Variants in UNC13C observed in about 807,000 individuals in gnomAD.
UNC13C encodes unc-13 homolog C, also known as protein unc-13 homolog C.
A neutral mutation model predicts 245.4 loss-of-function variants in UNC13C; 174 were observed. The observed-to-expected ratio is 0.71, with a 90% CI of 0.63 to 0.80. The LOEUF (loss-of-function observed/expected upper bound fraction) is 0.80. UNC13C is among the 30% of genes least tolerant of loss of function. The pLI is 0.00. For missense variants in UNC13C, 2,829 were observed against 2,602.9 expected (o/e 1.09, Z -1.89); for synonymous variants, 992 against 895.1 (o/e 1.11, Z -1.93).
chr15:54,547,690 C>T (rs1033210805), intron 27 of UNC13C, among the ~76,000 whole-genome samples: 7 of 152,076 alleles, frequency 4.6e-5, no homozygotes, highest in African/African-American at 7.2e-5. Flanking sequence ...GATTTACTGC[C>T]AGACAGTGAG....
Position 54,014,785 on chromosome 15 carries a change from G to A in UNC13C, c.1882G>A (p.Gly628Arg). 6.2e-7 allele frequency: 1 copy of A among 1,613,838 alleles called. No individual in the cohort carries two copies. Among genetic ancestry groups the A allele is most frequent in the Non-Finnish European group, 8.5e-7 (1 of 1,179,822 alleles). ...ETENTETVDS[G>R]MSNGMVCASG... is the part of the protein sequence containing the mutation. ...TGAAAACACAGAAACTGTGGATAGT[G>A]GAATGAGTAATGGCATGGTGTGTGC... Residue 628 changes from glycine (G) to arginine (R), a missense_variant, in exon 2 of 33, where the codon GGA becomes AGA. Coordinates refer to ENST00000260323, the MANE Select transcript of UNC13C (RefSeq NM_001080534.3).
At chr15:54,041,954 C>T (rs893268710) in intron 2 of UNC13C, among the ~76,000 whole-genome samples, 3 of 152,068 alleles carry the variant, frequency 2.0e-5, no homozygotes, top group East Asian at 1.9e-4. Context: ...TTTCACAATC[C>T]GATCGAGTAC....
chr15:54,447,127 C>A (rs1320731337), intron 19 of UNC13C, among the ~76,000 whole-genome samples: 1 of 152,138 alleles, frequency 6.6e-6, no homozygotes, highest in African/African-American at 2.4e-5. Flanking sequence ...AGCCTTGCAT[C>A]CCAGGTATGA....
chr15:54,521,933 G>A lies in UNC13C; in HGVS notation c.5458-3616G>A, dbSNP rs139471093. On this transcript the variant is annotated intron_variant, in intron 24 of 32. Transcript: ENST00000260323. ...TGCAGGACACTGGAACAGATACCCA[G>A]GATAGAAAAGTATGAACAAGTTCTA... Among the ~76,000 whole-genome samples the A allele has an allele frequency of 5.0e-3, 762 of 152,202 alleles. 9 individuals carry two copies. Among genetic ancestry groups the A allele is most frequent in the African/African-American group, 0.018 (741 of 41,514 alleles).
chr15:54,023,839 G>T (rs1475465250), intron 2 of UNC13C, among the ~76,000 whole-genome samples: 2 of 152,282 alleles, frequency 1.3e-5, no homozygotes, highest in African/African-American at 2.4e-5. Context: ...AGTGTACAAT[G>T]CAAAATACTG....
At chr15:54,113,460 G>T (rs922643214) in intron 2 of UNC13C, among the ~76,000 whole-genome samples, 10 of 152,194 alleles carry the variant, frequency 6.6e-5, no homozygotes, top group Admixed American at 5.2e-4. Flanking sequence ...TAGTAGGAAA[G>T]AATGGAGTAT....
chr15:54,258,081 C>G (rs1471628397), intron 8 of UNC13C, among the ~76,000 whole-genome samples: 1 of 152,128 alleles, frequency 6.6e-6, no homozygotes, highest in East Asian at 1.9e-4. Context: ...ATATCAGACC[C>G]TCTGAATGCT....
intron 19 of UNC13C, among the ~76,000 whole-genome samples, chr15:54,492,162 C>G (rs1893744318): frequency 6.6e-6 from 1 of 152,100 alleles, no homozygotes; most frequent in Non-Finnish European, 1.5e-5. Flanking sequence ...GTATTCCAAA[C>G]ACACATTTGA....
chr15:54,223,999 T>G (rs2035302797), intron 4 of UNC13C, among the ~76,000 whole-genome samples: 1 of 152,140 alleles, frequency 6.6e-6, no homozygotes, highest in South Asian at 2.1e-4. Flanking sequence ...ATCCTGCAAC[T>G]TTACTAAATT....
intron 4 of UNC13C, among the ~76,000 whole-genome samples, chr15:54,171,549 T>G (rs1009393603): frequency 3.3e-5 from 5 of 152,018 alleles, no homozygotes; most frequent in Admixed American, 6.6e-5. Context: ...AAAACTACAA[T>G]GTAATATCAT....
chr15:54,371,466 C>T (rs2039486262), intron 17 of UNC13C, among the ~76,000 whole-genome samples: 1 of 152,102 alleles, frequency 6.6e-6, no homozygotes, highest in Non-Finnish European at 1.5e-5. Context: ...AAGCGGAAGG[C>T]TTTATTCAAA....
At position 54,499,944 on chromosome 15, in the gene UNC13C, G is replaced by A. The variant is rs866531293; in HGVS notation, c.5061-135G>A. Reference sequence around the variant, plus strand: ...TGGAGAACAGGTAAAGGTCTCTGAGGAAGCAAAACTGCAAGAGAGAATGAA... The same window carrying A: ...TGGAGAACAGGTAAAGGTCTCTGAGAAAGCAAAACTGCAAGAGAGAATGAA... On this transcript the variant is annotated intron_variant, in intron 20 of 32. Transcript: ENST00000260323. The A allele has an allele frequency of 2.3e-4, 151 of 666,622 alleles. No homozygotes were observed. In the Middle Eastern group the frequency reaches 4.5e-3, roughly 20 times the overall value. The allele number at this position is 666,622 out of a possible 1,614,324, so 41.3% of individuals were successfully genotyped here.
At chr15:53,924,052 A>C in the UNC13C span, among the ~76,000 whole-genome samples, 15 of 152,128 alleles carry the variant, frequency 9.9e-5, no homozygotes, top group African/African-American at 3.6e-4. Flanking sequence ...AAAACACACA[A>C]AAAAATTAGC....
chr15:54,512,813 G>A lies in UNC13C; in HGVS notation c.5457+983G>A, dbSNP rs377627988. On this transcript the variant is annotated intron_variant, in intron 24 of 32. Transcript: ENST00000260323. ...TTTCTAAACTTATGTGACTACAAAT[G>A]TTTCTTTTAAGATTGGCTCCTTCCC... Among the ~76,000 whole-genome samples, 9 of 152,220 alleles carry A rather than the reference G, an allele frequency of 5.9e-5. 1 individual carries two copies. The South Asian group carries it at 8.3e-4, about 14-fold the overall frequency.
chr15:54,496,119 TTTTAG>T (rs1893939403), intron 20 of UNC13C, among the ~76,000 whole-genome samples: 1 of 152,114 alleles, frequency 6.6e-6, no homozygotes, highest in Non-Finnish European at 1.5e-5. Flanking sequence ...TTGTTAATTA[TTTTAG>T]TTTAGCCATT....
intron 4 of UNC13C, among the ~76,000 whole-genome samples, chr15:54,192,132 G>T (rs2034205898): frequency 6.6e-6 from 1 of 152,116 alleles, no homozygotes; most frequent in African/African-American, 2.4e-5. Flanking sequence ...TGTCCTGAAT[G>T]ATACTGTAAA....
chr15:54,204,171 T>C (rs920050343), intron 4 of UNC13C, among the ~76,000 whole-genome samples: 5 of 151,456 alleles, frequency 3.3e-5, no homozygotes, highest in Admixed American at 6.6e-5. Context: ...AGGGATAAAA[T>C]ACTACACATT....
At chr15:53,929,055 T>C in the UNC13C span, among the ~76,000 whole-genome samples, 9 of 152,140 alleles carry the variant, frequency 5.9e-5, no homozygotes, top group African/African-American at 2.2e-4. Flanking sequence ...CTGGGTAATT[T>C]ATAAAGGAAA....
At chr15:54,163,519 A>G (rs987356435) in intron 4 of UNC13C, among the ~76,000 whole-genome samples, 2 of 152,170 alleles carry the variant, frequency 1.3e-5, no homozygotes, top group Non-Finnish European at 2.9e-5. Context: ...AAACTTTACC[A>G]CCAGAGTGCT....
Sources: allele counts gnomAD v4.1 joint callset (sites outside exome capture counted in the v4.1 genomes callset), GRCh38; gene constraint gnomAD v4.1.1; transcripts MANE v1.5; gene names NCBI Gene and HGNC (gene_info 2026-07-23, HGNC 2026-07-21).